Variants in TUBGCP3 observed in about 807,000 individuals in gnomAD.
TUBGCP3 encodes the protein tubulin gamma complex component 3, also known as gamma-tubulin complex component 3.
In TUBGCP3, 50 loss-of-function variants were observed where a neutral mutation model predicts 123.1. That is an observed-to-expected ratio of 0.41 (90% CI 0.32 to 0.51). The LOEUF (loss-of-function observed/expected upper bound fraction) is 0.51, where lower values mean the gene tolerates loss of function less well. Among genes scored for constraint, TUBGCP3 ranks in the 20% least tolerant of loss-of-function variants. The pLI is 0.36. For synonymous variants in TUBGCP3, 405 were observed against 413.9 expected (o/e 0.98, Z 0.26); for missense variants, 882 against 1,127.0 (o/e 0.78, Z 3.11).
chr13:112,551,031 G>A (rs189675264), intron 8 of TUBGCP3, among the ~76,000 whole-genome samples: 55 of 152,192 alleles, frequency 3.6e-4, no homozygotes, highest in East Asian at 5.8e-4. Flanking sequence ...CATGGGAGGC[G>A]GAGCTTGCAG....
At chr13:112,580,144 G>T (rs1882178918) in intron 1 of TUBGCP3, among the ~76,000 whole-genome samples, 1 of 152,180 alleles carries the variant, frequency 6.6e-6, no homozygotes, top group African/African-American at 2.4e-5. Flanking sequence ...ACAGACACAG[G>T]ATGGTGGCGG....
rs1443044649 is a variant in TUBGCP3, at chr13:112,485,863, A to C, written c.*130T>G. 1 of 865,746 alleles carries C rather than the reference A, an allele frequency of 1.2e-6. No individual in the cohort carries two copies. Among genetic ancestry groups the C allele is most frequent in the African/African-American group, 1.7e-5 (1 of 59,096 alleles). The allele number at this position is 865,746 out of a possible 1,614,324, so 53.6% of individuals were successfully genotyped here. The stretch of plus-strand genomic sequence containing the variant: ...GCTTCTCCCACACGCCGCTCCGCTG[A>C]AACATGGCGCACTCGTGGGCGGAAG... On this transcript the variant is annotated 3_prime_UTR_variant, in exon 22 of 22. Coordinates refer to ENST00000261965, the MANE Select transcript of TUBGCP3 (RefSeq NM_006322.6).
intron 8 of TUBGCP3, among the ~76,000 whole-genome samples, chr13:112,553,394 T>C (rs1407118934): frequency 1.3e-5 from 2 of 152,284 alleles, no homozygotes; most frequent in Non-Finnish European, 2.9e-5. Flanking sequence ...TTTGGAGATT[T>C]CATTGGCAGT....
the TUBGCP3 span, among the ~76,000 whole-genome samples, chr13:112,594,785 T>G: frequency 6.6e-6 from 1 of 152,256 alleles, no homozygotes; most frequent in African/African-American, 2.4e-5. Flanking sequence ...CTGTTGAGTG[T>G]ACTTTTACGT....
intron 17 of TUBGCP3, among the ~76,000 whole-genome samples, chr13:112,506,917 A>C (rs1881343742): frequency 6.6e-6 from 1 of 152,232 alleles, no homozygotes; most frequent in Admixed American, 6.5e-5. Context: ...AGCTCAAATG[A>C]GAGGACTGTG....
chr13:112,489,625 G>C lies in TUBGCP3; in HGVS notation c.2521C>G (p.Pro841Ala). Residue 841 changes from proline (P) to alanine (A), a missense_variant, in exon 21 of 22, where the codon CCA (proline) becomes GCA (alanine). Physicochemically the swap from Pro to Ala is conservative, Grantham distance 27. Around this residue, in one of 3 missense-constraint regions of TUBGCP3, gnomAD observed 160 missense variants for 220.3 expected, o/e 0.73. Coordinates refer to ENST00000261965, the MANE Select transcript of TUBGCP3 (RefSeq NM_006322.6). ...ATTCGCAACTGTGAGCACATTTTTGGTATAGATTCTTTAAATTCTCCAATC... is the reference window on the plus strand; with the variant it reads ...ATTCGCAACTGTGAGCACATTTTTGCTATAGATTCTTTAAATTCTCCAATC... ...KRIGEFKESI[P>A]KMCSQLRILT... The C allele has an allele frequency of 6.2e-7, 1 of 1,614,202 alleles. No individual in the cohort carries two copies. Among genetic ancestry groups the C allele is most frequent in the Non-Finnish European group, 8.5e-7 (1 of 1,180,012 alleles).
chr13:112,569,068 C>T (rs1039448717), intron 2 of TUBGCP3, 84 bp downstream of exon 2: 1 of 1,271,508 alleles, frequency 7.9e-7, no homozygotes, highest in Non-Finnish European at 1.1e-6. Context: ...ACTACATACA[C>T]ACCTACACAC....
Position 112,569,160 on chromosome 13 carries a change from T to C in TUBGCP3, c.176A>G (p.Lys59Arg), listed in dbSNP as rs1448688101. 6.2e-7 allele frequency: 1 copy of C among 1,614,046 alleles called. No homozygotes were observed. Among genetic ancestry groups the C allele is most frequent in the African/African-American group, 1.3e-5 (1 of 74,930 alleles). ...RDEFLVAEKI[K>R]KELIRQRREA... is the part of the protein sequence containing the mutation. Reference sequence around the variant, plus strand: ...TTAAGAAAAATACGTACGCTCTTTCTTGATTTTTTCAGCTACTAAAAATTC... The same window carrying C: ...TTAAGAAAAATACGTACGCTCTTTCCTGATTTTTTCAGCTACTAAAAATTC... Residue 59 changes from lysine to arginine, a missense_variant, in exon 2 of 22, where the codon AAG (lysine) becomes AGG (arginine). This residue lies in a region of TUBGCP3 where 713 missense variants were observed against 874.0 expected (regional missense o/e 0.82). Transcript: ENST00000261965.
In TUBGCP3 at chr13:112,544,178, G is replaced by A. The variant is rs549832096; in HGVS notation, c.1335+1521C>T. ...TAAAATATGCATCCCCACAGGCCGG[G>A]CGCAGTGGCTCACGCCTGTAATCCC... On this transcript the variant is annotated intron_variant, in intron 11 of 21. Coordinates refer to ENST00000261965, the MANE Select transcript of TUBGCP3 (RefSeq NM_006322.6). Among the ~76,000 whole-genome samples the A allele has an allele frequency of 3.3e-5, 5 of 152,050 alleles. No homozygotes were observed. The East Asian group carries it at 9.7e-4, about 29-fold the overall frequency.
intron 2 of TUBGCP3, among the ~76,000 whole-genome samples, chr13:112,568,931 G>T (rs1342713172): frequency 1.3e-5 from 2 of 152,198 alleles, no homozygotes; most frequent in Non-Finnish European, 2.9e-5. Context: ...TAAGGTGCCA[G>T]GATTTGCAAA....
rs56021722 is a variant in TUBGCP3 at position 112,489,157 on chromosome 13, A to G, written c.2565+424T>C. Among the ~76,000 whole-genome samples, 156 of 139,658 alleles carry G rather than the reference A, an allele frequency of 1.1e-3. 1 individual carries two copies. The highest frequency in any genetic ancestry group is 3.7e-3 in the African/African-American group (132 of 35,558). 91.6% of individuals were successfully genotyped at this position (139,658 alleles called of 152,430 possible). The stretch of plus-strand genomic sequence containing the variant: ...ACAGTGGAGCACAGGGGCCACCCCC[A>G]GGTCCCCACACCCACCACAGGGGAG... On this transcript the variant is annotated intron_variant, in intron 21 of 21. Coordinates refer to ENST00000261965, the MANE Select transcript of TUBGCP3 (RefSeq NM_006322.6).
chr13:112,595,290 G>C, the TUBGCP3 span, among the ~76,000 whole-genome samples: 1 of 151,674 alleles, frequency 6.6e-6, no homozygotes, highest in Admixed American at 6.6e-5. Flanking sequence ...TCCACCTCCC[G>C]GGTTCACACC....
At chr13:112,571,257 A>G (rs2139284163) in intron 1 of TUBGCP3, among the ~76,000 whole-genome samples, 1 of 152,338 alleles carries the variant, frequency 6.6e-6, no homozygotes, top group Non-Finnish European at 1.5e-5. Flanking sequence ...CTATAGCCTT[A>G]TAAAATGTGT....
intron 11 of TUBGCP3, among the ~76,000 whole-genome samples, chr13:112,535,223 A>G (rs79110175): frequency 0.027 from 4,121 of 152,250 alleles, 173 homozygotes; most frequent in African/African-American, 0.092. Context: ...TTCACTTTTG[A>G]CTATTATAAA....
intron 11 of TUBGCP3, among the ~76,000 whole-genome samples, chr13:112,536,117 C>T (rs1196291075): frequency 1.3e-5 from 2 of 152,232 alleles, no homozygotes; most frequent in Non-Finnish European, 2.9e-5. Context: ...ACCCAGAGGT[C>T]TATCATTATG....
intron 11 of TUBGCP3, among the ~76,000 whole-genome samples, chr13:112,533,924 T>C (rs937290461): frequency 1.3e-5 from 2 of 151,896 alleles, no homozygotes; most frequent in South Asian, 4.2e-4. Context: ...CCGAGCAGTG[T>C]ACACTGCACC....
At position 112,558,236 on chromosome 13, in the gene TUBGCP3, G is replaced by A. The variant is rs1159662457; in HGVS notation, c.508C>T (p.Leu170Phe). 4 of 1,612,152 alleles carry A rather than the reference G, an allele frequency of 2.5e-6. No individual in the cohort carries two copies. The highest frequency in any genetic ancestry group is 2.7e-5 in the African/African-American group (2 of 74,882). The part of the protein sequence containing the change: ...SGISSIGLCA[L>F]SGPAPAPQSL... ...TGTGGCGCAGGCGCGGGGCCACTGA[G>A]GGCACACAGGCCAATGCTGCTGATG... Residue 170 changes from leucine to phenylalanine, a missense_variant, in exon 5 of 22, where the codon CTC becomes TTC. Coordinates refer to ENST00000261965, the MANE Select transcript of TUBGCP3 (RefSeq NM_006322.6).
At position 112,524,163 on chromosome 13, in the gene TUBGCP3, A is replaced by G. The variant is rs1264520098; in HGVS notation, c.1556-1654T>C. Among the ~76,000 whole-genome samples, 1 of 152,156 alleles carries G rather than the reference A, an allele frequency of 6.6e-6. No individual in the cohort carries two copies. The highest frequency in any genetic ancestry group is 1.5e-5 in the Non-Finnish European group (1 of 68,016). Reference sequence around the variant, plus strand: ...CAAAATGAAGCAATATTTGCACCTAACCTACACACATCTTCCCATATACGG... The same window carrying G: ...CAAAATGAAGCAATATTTGCACCTAGCCTACACACATCTTCCCATATACGG... On this transcript the variant is annotated intron_variant, in intron 13 of 21. Coordinates refer to ENST00000261965, the MANE Select transcript of TUBGCP3 (RefSeq NM_006322.6). This position sits in a 1 kb window ranked among gnomAD's most constrained non-coding sequence, Gnocchi z 4.4.
At chr13:112,591,883 C>T (rs1232821621), upstream of TUBGCP3, among the ~76,000 whole-genome samples, 2 of 152,208 alleles carry the variant, frequency 1.3e-5, no homozygotes, top group African/African-American at 2.4e-5. Context: ...CTGACTTACC[C>T]TCTCTTTGGG....
Sources: allele counts gnomAD v4.1 joint callset (sites outside exome capture counted in the v4.1 genomes callset), GRCh38; gene constraint gnomAD v4.1.1; regional missense constraint gnomAD v4.1.1; non-coding constraint Gnocchi (gnomAD v3.1); transcripts MANE v1.5; gene names NCBI Gene and HGNC (gene_info 2026-07-23, HGNC 2026-07-21).